The following ROR1 variants were observed in gnomAD, a reference collection of about 807,000 sequenced individuals.
ROR1 encodes ROR family WNT receptor 1.
ROR1 carries 19 observed loss-of-function variants against 78.8 expected under a neutral mutation model. The ratio of observed to expected loss-of-function variants is 0.24; its 90% CI spans 0.17 to 0.35. The LOEUF is 0.35. Ranked by LOEUF, ROR1 falls within the 10% of genes least tolerant of loss-of-function variation. The probability of loss-of-function intolerance (pLI) is 1.00; values close to 1 mark genes in which losing one functional copy is unlikely to be tolerated. For synonymous variants in ROR1, 386 were observed against 433.6 expected, an observed-to-expected ratio of 0.89 and a Z score of 1.36; for missense variants, 917 against 1,177.8, an observed-to-expected ratio of 0.78 and a Z score of 3.24.
At chr1:64,150,517 T>G (rs1030603251) in intron 7 of ROR1, among the ~76,000 whole-genome samples, 1 of 152,244 alleles carries the variant, frequency 6.6e-6, no homozygotes, top group Admixed American at 6.5e-5. Context: ...CTGCCATTTT[T>G]AACTTGCTCT....
At chr1:63,893,601 G>C (rs187998694) in intron 1 of ROR1, among the ~76,000 whole-genome samples, 16 of 152,118 alleles carry the variant, frequency 1.1e-4, no homozygotes, top group Non-Finnish European at 2.1e-4. Context: ...CTGACTGGGC[G>C]TGGACATATG....
intron 1 of ROR1, among the ~76,000 whole-genome samples, chr1:63,912,906 G>A (rs1430627779): frequency 1.3e-5 from 2 of 152,182 alleles, no homozygotes; most frequent in African/African-American, 4.8e-5. Flanking sequence ...TTAACTTTGG[G>A]TGTGAGGAGA....
intron 4 of ROR1, among the ~76,000 whole-genome samples, chr1:64,100,627 G>A (rs1647490675): frequency 6.6e-6 from 1 of 152,110 alleles, no homozygotes. Context: ...CCTTCATTTT[G>A]TTTTTAAGTA....
At chr1:64,134,295 GA>G (rs1204245512) in intron 4 of ROR1, among the ~76,000 whole-genome samples, 1 of 152,126 alleles carries the variant, frequency 6.6e-6, no homozygotes, top group Non-Finnish European at 1.5e-5. Context: ...ACAGAATCAA[GA>G]CTCGTTATAA....
At chr1:63,883,509 A>G (rs191014025) in intron 1 of ROR1, among the ~76,000 whole-genome samples, 11 of 152,288 alleles carry the variant, frequency 7.2e-5, no homozygotes, top group African/African-American at 2.6e-4. Flanking sequence ...GCACCTTCCA[A>G]TAAAAATACC....
intron 2 of ROR1, among the ~76,000 whole-genome samples, chr1:64,042,151 C>G (rs930456313): frequency 6.6e-6 from 1 of 152,086 alleles, no homozygotes; most frequent in Non-Finnish European, 1.5e-5. Flanking sequence ...GTTACTGTAG[C>G]CAGGTGTTCT....
rs1646815097 is a variant in ROR1, at chr1:64,049,893, C to T, written c.366C>T (p.Asp122=). The change falls in exon 3 of 9, where the codon GAC becomes GAT. Residue 122 remains aspartate, a synonymous_variant. Transcript: ENST00000371079. ...YGSRLRIRNL[D]TTDTGYFQCV... ...CTCGGCTGCGGATTAGAAACCTCGACACCACAGACACAGGCTACTTCCAGT... is the reference window on the plus strand; with the variant it reads ...CTCGGCTGCGGATTAGAAACCTCGATACCACAGACACAGGCTACTTCCAGT... 6.2e-7 allele frequency: 1 copy of T among 1,614,100 alleles called. No individual in the cohort carries two copies. The highest frequency in any genetic ancestry group is 8.5e-7 in the Non-Finnish European group (1 of 1,180,046).
At position 64,142,805 on chromosome 1, in the gene ROR1, C is replaced by T. The variant is rs768355227; in HGVS notation, c.1174+155C>T. ...TTTAGGGTAAACCTTGCCGTTTCTA[C>T]ATAAAACACCTCGTAAGGTACCAAA... On this transcript the variant is annotated intron_variant, in intron 7 of 8. Transcript: ENST00000371079. The T allele has an allele frequency of 1.6e-5, 23 of 1,440,478 alleles. No homozygotes were observed. In the East Asian group the frequency reaches 5.0e-4, roughly 31 times the overall value. The allele number at this position is 1,440,478 out of a possible 1,614,324, so 89.2% of individuals were successfully genotyped here. A position where few individuals can be genotyped will look rare whatever the true frequency, so the allele number is the denominator to read the frequency against.
At chr1:64,161,176 AT>A (rs1256981058) in intron 8 of ROR1, among the ~76,000 whole-genome samples, 2 of 152,224 alleles carry the variant, frequency 1.3e-5, no homozygotes, top group Non-Finnish European at 2.9e-5. Context: ...CAGCTATTAT[AT>A]AAGGCAGGTA....
intron 5 of ROR1, among the ~76,000 whole-genome samples, chr1:64,138,636 C>G (rs541395840): frequency 1.2e-4 from 18 of 150,942 alleles, no homozygotes; most frequent in African/African-American, 4.4e-4. Context: ...AGCTCTGCTT[C>G]CTAGGTTCAT....
chr1:63,798,870 G>GA (rs548109335), intron 1 of ROR1, among the ~76,000 whole-genome samples: 35 of 151,936 alleles, frequency 2.3e-4, no homozygotes, highest in Non-Finnish European at 4.4e-4. Flanking sequence ...GGACTACTTT[G>GA]AAAAAATAGA....
chr1:63,807,583 A>G (rs954965592), intron 1 of ROR1, among the ~76,000 whole-genome samples: 4 of 152,126 alleles, frequency 2.6e-5, no homozygotes, highest in Non-Finnish European at 5.9e-5. Flanking sequence ...CTTTAGAGCG[A>G]TTTCCCTCAC....
intron 1 of ROR1, among the ~76,000 whole-genome samples, chr1:63,966,011 C>T (rs1646071980): frequency 6.6e-6 from 1 of 152,024 alleles, no homozygotes; most frequent in African/African-American, 2.4e-5. Context: ...GATAGTAACC[C>T]CTTGTAGGAT....
At chr1:63,951,246 G>A (rs988329744) in intron 1 of ROR1, among the ~76,000 whole-genome samples, 2 of 152,184 alleles carry the variant, frequency 1.3e-5, no homozygotes, top group African/African-American at 4.8e-5. Context: ...CAGAGAATGT[G>A]GGAGGTGGCT....
intron 4 of ROR1, among the ~76,000 whole-genome samples, chr1:64,093,694 C>G (rs2100647149): frequency 6.6e-6 from 1 of 152,074 alleles, no homozygotes; most frequent in East Asian, 1.9e-4. Flanking sequence ...TGTCAGGAAA[C>G]TGAAAAACAG....
chr1:63,889,488 C>G (rs1415083941), intron 1 of ROR1, among the ~76,000 whole-genome samples: 1 of 152,118 alleles, frequency 6.6e-6, no homozygotes, highest in African/African-American at 2.4e-5. Context: ...TGCCTGTATG[C>G]TTTCCAGAAT....
chr1:63,776,514 C>T (rs1644617329), intron 1 of ROR1, among the ~76,000 whole-genome samples: 1 of 152,062 alleles, frequency 6.6e-6, no homozygotes, highest in Admixed American at 6.5e-5. Flanking sequence ...GTAATCAGAA[C>T]GAAACAGAAC....
intron 1 of ROR1, among the ~76,000 whole-genome samples, chr1:63,853,661 A>C (rs968985912): frequency 6.6e-6 from 1 of 152,230 alleles, no homozygotes; most frequent in African/African-American, 2.4e-5. Flanking sequence ...TTCTTCAGCA[A>C]AATAGTCTGT....
intron 2 of ROR1, among the ~76,000 whole-genome samples, chr1:64,036,615 G>A (rs750171729): frequency 5.3e-5 from 8 of 152,248 alleles, no homozygotes; most frequent in Non-Finnish European, 1.0e-4. Flanking sequence ...TTACTTCCTA[G>A]CACGGAATCT....
Sources: allele counts gnomAD v4.1 joint callset (sites outside exome capture counted in the v4.1 genomes callset), GRCh38; gene constraint gnomAD v4.1.1; transcripts MANE v1.5; gene names NCBI Gene and HGNC (gene_info 2026-07-23, HGNC 2026-07-21).